The following KCNQ5 variants were observed in gnomAD, a reference collection of about 807,000 sequenced individuals.
The protein encoded by KCNQ5 is potassium voltage-gated channel subfamily Q member 5, also known as potassium voltage-gated channel subfamily KQT member 5.
In KCNQ5, 30 loss-of-function variants were observed where a neutral mutation model predicts 98.2. That is an observed-to-expected ratio of 0.31 (90% confidence interval 0.23 to 0.41). KCNQ5 has a LOEUF of 0.41. Ranked by LOEUF, KCNQ5 falls within the 10% of genes least tolerant of loss-of-function variation. KCNQ5 has a pLI of 1.00. For synonymous variants in KCNQ5, 458 were observed against 449.4 expected, an observed-to-expected ratio of 1.02 and a Z score of -0.24; for missense variants, 835 against 1,182.5, an observed-to-expected ratio of 0.71 and a Z score of 4.31.
At chr6:72,878,270 C>CAAAAAG (rs1778500965) in intron 1 of KCNQ5, among the ~76,000 whole-genome samples, 1 of 152,120 alleles carries the variant, frequency 6.6e-6, no homozygotes. Flanking sequence ...AACTCCATCT[C>CAAAAAG]AAAAAGAAAA....
chr6:73,014,961 AG>A, intron 2 of KCNQ5, among the ~76,000 whole-genome samples: 1 of 152,242 alleles, frequency 6.6e-6, no homozygotes, highest in African/African-American at 2.4e-5. Context: ...CAAAGTAGAA[AG>A]GTTTGCACAT....
At chr6:72,801,109 TG>T (rs1774626606) in intron 1 of KCNQ5, among the ~76,000 whole-genome samples, 2 of 152,118 alleles carry the variant, frequency 1.3e-5, no homozygotes, top group Admixed American at 6.6e-5. Flanking sequence ...TCTGTTGATT[TG>T]GGGTGGAGAG....
intron 1 of KCNQ5, among the ~76,000 whole-genome samples, chr6:72,984,426 C>T (rs1768641491): frequency 6.6e-6 from 1 of 152,206 alleles, no homozygotes; most frequent in African/African-American, 2.4e-5. Flanking sequence ...GGTGGATGCC[C>T]CTCCCGCAGC....
At chr6:73,129,888 T>C (rs1361477649) in intron 9 of KCNQ5, 9 of 1,551,366 alleles carry the variant, frequency 5.8e-6, no homozygotes, top group Non-Finnish European at 8.0e-6. Context: ...GATTTGAGAA[T>C]GCCAACTAAC....
At chr6:72,751,370 G>A (rs899900667) in intron 1 of KCNQ5, among the ~76,000 whole-genome samples, 4 of 151,770 alleles carry the variant, frequency 2.6e-5, no homozygotes, top group African/African-American at 9.7e-5. Flanking sequence ...AGCCAGATTT[G>A]AGAAAGCTTA....
chr6:73,080,239 G>A (rs1773709737), intron 5 of KCNQ5, among the ~76,000 whole-genome samples: 1 of 152,058 alleles, frequency 6.6e-6, no homozygotes, highest in Non-Finnish European at 1.5e-5. Flanking sequence ...TTGCCTTTCA[G>A]TTCTGCTAAT....
At chr6:72,895,569 TG>T (rs1009264711) in intron 1 of KCNQ5, among the ~76,000 whole-genome samples, 2 of 151,236 alleles carry the variant, frequency 1.3e-5, no homozygotes, top group Non-Finnish European at 2.9e-5. Context: ...AGTAACACTT[TG>T]AATTAGTCAT....
chr6:72,719,088 A>G (rs2154475280), intron 1 of KCNQ5, among the ~76,000 whole-genome samples: 1 of 152,348 alleles, frequency 6.6e-6, no homozygotes, highest in South Asian at 2.1e-4. Context: ...GTGGGGCATA[A>G]ATAGATAAGA....
chr6:72,871,036 A>G (rs1041735065), intron 1 of KCNQ5, among the ~76,000 whole-genome samples: 1 of 152,200 alleles, frequency 6.6e-6, no homozygotes, highest in African/African-American at 2.4e-5. Context: ...ACACACACAT[A>G]GGTCCAGGAT....
At chr6:72,806,520 C>T (rs1774966799) in intron 1 of KCNQ5, among the ~76,000 whole-genome samples, 1 of 152,066 alleles carries the variant, frequency 6.6e-6, no homozygotes. Flanking sequence ...CCTTAAGGAT[C>T]AAACCTGAAG....
chr6:72,798,894 G>A (rs1016136647), intron 1 of KCNQ5, among the ~76,000 whole-genome samples: 7 of 151,578 alleles, frequency 4.6e-5, no homozygotes, highest in African/African-American at 7.3e-5. Context: ...ATTTAATGTA[G>A]GACTGTTCAC....
chr6:73,080,901 A>G (rs34942807), intron 5 of KCNQ5, among the ~76,000 whole-genome samples: 3,611 of 152,286 alleles, frequency 0.024, 71 homozygotes, highest in Non-Finnish European at 0.037. Flanking sequence ...GAGGGATATC[A>G]TGGTGGGATC....
At chr6:72,978,636 G>A (rs989925605) in intron 1 of KCNQ5, among the ~76,000 whole-genome samples, 15 of 152,118 alleles carry the variant, frequency 9.9e-5, no homozygotes, top group African/African-American at 3.6e-4. Flanking sequence ...TAAAGTAAGT[G>A]GACAGAATAA....
At chr6:72,926,826 T>C (rs1191103924) in intron 1 of KCNQ5, among the ~76,000 whole-genome samples, 1 of 152,162 alleles carries the variant, frequency 6.6e-6, no homozygotes, top group African/African-American at 2.4e-5. Flanking sequence ...GTAGCAGAAA[T>C]AGATGGACCT....
At chr6:73,030,316 G>A (rs1452511459) in intron 2 of KCNQ5, among the ~76,000 whole-genome samples, 1 of 152,148 alleles carries the variant, frequency 6.6e-6, no homozygotes, top group African/African-American at 2.4e-5. Flanking sequence ...CCTCCTGTCA[G>A]TTTTTATTCT....
At chr6:72,833,919 G>A (rs1372145780) in intron 1 of KCNQ5, among the ~76,000 whole-genome samples, 1 of 151,862 alleles carries the variant, frequency 6.6e-6, no homozygotes, top group Admixed American at 6.6e-5. Flanking sequence ...TATAAGGTTG[G>A]ATGAAAGAAG....
intron 1 of KCNQ5, among the ~76,000 whole-genome samples, chr6:72,706,585 T>G (rs902955037): frequency 6.6e-6 from 1 of 152,102 alleles, no homozygotes; most frequent in African/African-American, 2.4e-5. Context: ...TTCTCGATAT[T>G]GGCTTAAGTG....
At chr6:73,093,757 G>A (rs180836650) in intron 5 of KCNQ5, among the ~76,000 whole-genome samples, 45 of 152,128 alleles carry the variant, frequency 3.0e-4, no homozygotes, top group African/African-American at 1.0e-3. Context: ...TTATTCCACT[G>A]TGGTCTGAGA....
chr6:72,643,023 T>C (rs1212136208), intron 1 of KCNQ5, among the ~76,000 whole-genome samples: 1 of 152,010 alleles, frequency 6.6e-6, no homozygotes, highest in Non-Finnish European at 1.5e-5. Context: ...AAACCAAATA[T>C]TGCATGTTCT....
Sources: allele counts gnomAD v4.1 joint callset (sites outside exome capture counted in the v4.1 genomes callset), GRCh38; gene constraint gnomAD v4.1.1; transcripts MANE v1.5; gene names NCBI Gene and HGNC (gene_info 2026-07-23, HGNC 2026-07-21).